The following ARHGAP29 variants were observed in gnomAD, a reference collection of about 807,000 sequenced individuals.
ARHGAP29 encodes the protein Rho GTPase activating protein 29, also known as rho GTPase-activating protein 29.
In ARHGAP29, 43 loss-of-function variants were observed where a neutral mutation model predicts 122.6. The ratio of observed to expected loss-of-function variants is 0.35; its 90% confidence interval spans 0.27 to 0.45. The LOEUF (loss-of-function observed/expected upper bound fraction) is 0.45, where lower values mean the gene tolerates loss of function less well. ARHGAP29 is among the 20% of genes least tolerant of loss of function. The pLI is 1.00. For missense variants in ARHGAP29, 1,303 were observed against 1,477.2 expected (o/e 0.88, Z 1.93); for synonymous variants, 506 against 497.1 (o/e 1.02, Z -0.24).
chr1:94,220,422 C>T (rs1652227657), intron 2 of ARHGAP29, 30 bp from the exon 3 acceptor site: 3 of 1,532,774 alleles, frequency 2.0e-6, no homozygotes, highest in African/African-American at 1.4e-5. Flanking sequence ...TAATTTATTT[C>T]CAGAGCAAAG....
At chr1:94,262,256 T>A (rs577540701) in intron 1 of ARHGAP29, among the ~76,000 whole-genome samples, 40 of 152,108 alleles carry the variant, frequency 2.6e-4, no homozygotes, top group Middle Eastern at 3.4e-3. Context: ...AAAAATCAAC[T>A]AAGGATGGAT....
At chr1:94,206,761 T>C (rs981093965) in intron 5 of ARHGAP29, among the ~76,000 whole-genome samples, 5 of 151,750 alleles carry the variant, frequency 3.3e-5, no homozygotes, top group Non-Finnish European at 7.4e-5. Context: ...CCAGGTGTGG[T>C]AGCACATGTC....
chr1:94,221,687 A>G (rs1334961958), intron 2 of ARHGAP29, among the ~76,000 whole-genome samples: 2 of 151,088 alleles, frequency 1.3e-5, no homozygotes, highest in East Asian at 1.9e-4. Flanking sequence ...ATGTATATAT[A>G]AATATATTCA....
rs780581966 is a variant in ARHGAP29, at chr1:94,174,690, C to T, written c.2965G>A (p.Gly989Ser). 22 of 1,613,914 alleles carry T rather than the reference C, an allele frequency of 1.4e-5. No homozygotes were observed. Among genetic ancestry groups the T allele is most frequent in the Non-Finnish European group, 1.8e-5 (21 of 1,180,024 alleles). The change falls in exon 23 of 23, where the codon GGT becomes AGT. Residue 989 changes from glycine to serine, a missense_variant. Physicochemically the swap from Gly to Ser is moderately conservative, Grantham distance 56. Coordinates refer to ENST00000260526, the MANE Select transcript of ARHGAP29 (RefSeq NM_004815.4). ...AGAGAAAGTGGCTTAGGGGTTTTAC[C>T]ATCTTCTATCTTTTGGGATGCTGAT... Reference protein sequence around the residue: ...AESASQKIEDGKTPKPLSLKS... With the variant: ...AESASQKIEDSKTPKPLSLKS...
intron 12 of ARHGAP29, among the ~76,000 whole-genome samples, chr1:94,198,227 G>C (rs778317837): frequency 1.2e-4 from 18 of 152,120 alleles, no homozygotes; most frequent in Admixed American, 5.9e-4. Context: ...TGTAATCTCA[G>C]CACTCTGGGG....
Position 94,174,615 on chromosome 1 carries a change from TG to T in ARHGAP29, c.3039del (p.Lys1014ArgfsTer5), listed in dbSNP as rs1648971908. The T allele has an allele frequency of 6.2e-7, 1 of 1,614,050 alleles. No homozygotes were observed. The highest frequency in any genetic ancestry group is 8.5e-7 in the Non-Finnish European group (1 of 1,180,040). The stretch of plus-strand genomic sequence containing the variant: ...ACAGGCAAACTTACAGGTCTAATCT[TG>T]GTCCTTGGAGTATGCCTCTCCACAT... ...TNNVERHTPRTKIRPVSLPVD... is the reference protein window; with the variant it reads ...TNNVERHTPRXKIRPVSLPVD... On this transcript the variant is annotated frameshift_variant, in exon 23 of 23. Coordinates refer to ENST00000260526, the MANE Select transcript of ARHGAP29 (RefSeq NM_004815.4). LOFTEE classifies it low-confidence loss of function (END_TRUNC).
intron 2 of ARHGAP29, among the ~76,000 whole-genome samples, chr1:94,229,912 AAG>A (rs1652829026): frequency 6.6e-6 from 1 of 151,646 alleles, no homozygotes; most frequent in Non-Finnish European, 1.5e-5. Flanking sequence ...GAAGATTTTT[AAG>A]AGATATAAAT....
At chr1:94,246,430 T>G (rs1383066967) in intron 1 of ARHGAP29, among the ~76,000 whole-genome samples, 5 of 152,120 alleles carry the variant, frequency 3.3e-5, no homozygotes, top group Admixed American at 2.0e-4. Context: ...TCCCAAAGAT[T>G]AATAAAGAAA....
chr1:94,171,502 C>T lies in ARHGAP29; in HGVS notation c.*2367G>A, dbSNP rs12752790. 0.52 allele frequency among the ~76,000 whole-genome samples: 78,817 copies of T among 152,002 alleles called. 21,378 individuals carry two copies. The highest frequency in any genetic ancestry group is 0.71 in the Middle Eastern group (206 of 292). On this transcript the variant is annotated 3_prime_UTR_variant, in exon 23 of 23. Coordinates refer to ENST00000260526, the MANE Select transcript of ARHGAP29 (RefSeq NM_004815.4). ...AGCACTAACAGGGCTCCTGCTGTTG[C>T]CCTTTCCTTTTGGTCACGTATCTTT...
At chr1:94,291,467 G>A in the ARHGAP29 span, among the ~76,000 whole-genome samples, 7 of 152,130 alleles carry the variant, frequency 4.6e-5, no homozygotes, top group Non-Finnish European at 7.3e-5. Context: ...GGTTAATATT[G>A]TTATGTGTGA....
At position 94,255,285 on chromosome 1, in the gene ARHGAP29, T is replaced by A. The variant is rs375274106; in HGVS notation, c.-33+19727A>T. On this transcript the variant is annotated intron_variant and NMD_transcript_variant, in intron 1 of 25. Coordinates refer to the ARHGAP29 transcript ENST00000552844. ...GTGAAGACAGGGAGTGATGGCCATC[T>A]ATCTACAAGTTGAGAGAGTCCTCAA... Among the ~76,000 whole-genome samples, 28 of 152,330 alleles carry A rather than the reference T, an allele frequency of 1.8e-4. No individual in the cohort carries two copies. In the South Asian group the frequency reaches 3.3e-3, roughly 18 times the overall value.
Position 94,195,009 on chromosome 1 carries a change from A to AAT in ARHGAP29, c.1282-4927_1282-4926insAT, listed in dbSNP as rs527759488. 288 of 152,344 alleles carry AAT rather than the reference A, an allele frequency of 1.9e-3. 3 individuals are homozygous for AAT. The highest frequency in any genetic ancestry group is 6.5e-3 in the African/African-American group (271 of 41,590). 9.4% of individuals were successfully genotyped at this position (152,344 alleles called of 1,614,324 possible). A position where few individuals can be genotyped will look rare whatever the true frequency, so the allele number is the denominator to read the frequency against. On this transcript the variant is annotated intron_variant, in intron 12 of 22. Transcript: ENST00000260526. ...TCTACATGCAACCATTGTGGTTATC[A>AAT]AGGCAATGCAAGTTTCTAAATGATA...
Position 94,173,109 on chromosome 1 carries a change from A to G in ARHGAP29, c.*760T>C, listed in dbSNP as rs1379039045. ...CAGAACTGCTGAAAAACAAAAGTTT[A>G]TATAAAATAAAGCCAAGGGGTGAAA... On this transcript the variant is annotated 3_prime_UTR_variant, in exon 23 of 23. Coordinates refer to ENST00000260526, the MANE Select transcript of ARHGAP29 (RefSeq NM_004815.4). The G allele has an allele frequency of 6.6e-6, 1 of 152,646 alleles. No homozygotes were observed. The highest frequency in any genetic ancestry group is 1.5e-5 in the Non-Finnish European group (1 of 68,032). 9.5% of individuals were successfully genotyped at this position (152,646 alleles called of 1,614,324 possible).
At chr1:94,299,960 G>A in the ARHGAP29 span, among the ~76,000 whole-genome samples, 1 of 152,084 alleles carries the variant, frequency 6.6e-6, no homozygotes, top group Non-Finnish European at 1.5e-5. Flanking sequence ...ATTTAACTCT[G>A]TGAATTATGA....
intron 5 of ARHGAP29, among the ~76,000 whole-genome samples, chr1:94,207,939 C>A (rs1651318344): frequency 6.6e-6 from 1 of 151,912 alleles, no homozygotes. Flanking sequence ...CTCCTGGGCT[C>A]AAGTGAATCC....
At chr1:94,247,745 C>A in intron 1 of ARHGAP29, 1 of 665,650 alleles carries the variant, frequency 1.5e-6, no homozygotes, top group Non-Finnish European at 1.9e-6. Context: ...GCCTTTGCAG[C>A]TACCGCCACG....
At chr1:94,314,517 C>A in the ARHGAP29 span, among the ~76,000 whole-genome samples, 1 of 152,166 alleles carries the variant, frequency 6.6e-6, no homozygotes, top group Non-Finnish European at 1.5e-5. Flanking sequence ...TCCTTTCCCT[C>A]GGCTTAAGAG....
At chr1:94,227,764 C>T (rs1290181201) in intron 2 of ARHGAP29, among the ~76,000 whole-genome samples, 1 of 151,724 alleles carries the variant, frequency 6.6e-6, no homozygotes, top group Non-Finnish European at 1.5e-5. Flanking sequence ...ATTTAGAACA[C>T]GTTATTCCAC....
upstream of ARHGAP29, among the ~76,000 whole-genome samples, chr1:94,277,011 T>C (rs747146417): frequency 2.6e-5 from 4 of 152,140 alleles, no homozygotes; most frequent in Non-Finnish European, 4.4e-5. Context: ...TAACTCCCCA[T>C]AGCTATGACC....
Sources: allele counts gnomAD v4.1 joint callset (sites outside exome capture counted in the v4.1 genomes callset), GRCh38; gene constraint gnomAD v4.1.1; transcripts MANE v1.5; gene names NCBI Gene and HGNC (gene_info 2026-07-23, HGNC 2026-07-21).